The following ZFY variants were observed in gnomAD, a reference collection of about 807,000 sequenced individuals.
ZFY encodes zinc finger Y-chromosomal protein.
For synonymous variants in ZFY, 47 were observed against 55.8 expected (o/e 0.84, Z 0.71); for missense variants, 113 against 170.9 (o/e 0.66, Z 1.89).
intron 3 of ZFY, among the ~76,000 whole-genome samples, chrY:2,970,147 A>G (rs2051343702): frequency 6.1e-5 from 2 of 32,825 alleles, no homozygotes; most frequent in Non-Finnish European, 1.5e-4. Context: ...TTTGGGGCCC[A>G]TGAGATATTG....
chrY:2,937,573 T>C, intron 1 of ZFY, among the ~76,000 whole-genome samples: 1 of 32,398 alleles, frequency 3.1e-5, no homozygotes, highest in African/African-American at 1.2e-4. Flanking sequence ...CATCGAAAGT[T>C]TACCAAATAA....
intron 3 of ZFY, among the ~76,000 whole-genome samples, chrY:2,972,076 AAAG>A (rs2051349433): frequency 3.2e-5 from 1 of 31,732 alleles, no homozygotes; most frequent in Non-Finnish European, 7.6e-5. Context: ...AAAAAAAAAA[AAAG>A]AGAGATTTTA....
intron 1 of ZFY, among the ~76,000 whole-genome samples, chrY:2,938,312 A>G: frequency 4.0e-5 from 1 of 24,737 alleles, no homozygotes; most frequent in Non-Finnish European, 9.1e-5. Flanking sequence ...CCCGGCCGTC[A>G]AAACAAATTT....
chrY:2,974,231 G>T (rs2051358895), intron 3 of ZFY, among the ~76,000 whole-genome samples: 1 of 31,097 alleles, frequency 3.2e-5, no homozygotes, highest in Non-Finnish European at 7.7e-5. Context: ...ATCCAGACTG[G>T]AGTACAGTGG....
At chrY:2,942,122 C>A in intron 1 of ZFY, among the ~76,000 whole-genome samples, 1 of 30,350 alleles carries the variant, frequency 3.3e-5, no homozygotes, top group Non-Finnish European at 7.9e-5. Flanking sequence ...CTGAGCCTAA[C>A]TTTTGTATTT....
chrY:2,952,220 G>A, intron 1 of ZFY, among the ~76,000 whole-genome samples: 1 of 33,406 alleles, frequency 3.0e-5, no homozygotes, highest in Non-Finnish European at 7.4e-5. Flanking sequence ...GAGCCACCAT[G>A]CCTGGCCCAC....
At chrY:2,964,749 C>T in intron 3 of ZFY, among the ~76,000 whole-genome samples, 3 of 33,140 alleles carry the variant, frequency 9.1e-5, no homozygotes, top group Non-Finnish European at 1.5e-4. Context: ...GGAGCAGTCA[C>T]GGAAGATAAC....
At position 2,979,631 on chromosome Y, in the gene ZFY, G is replaced by A; in HGVS notation, c.2044G>A (p.Gly682Ser). Reference sequence around the variant, plus strand: ...TAAGAAACATGTGGCTGTCCACAAAGGTAAAAAAATGCACCAATGTAGACA... The same window carrying A: ...TAAGAAACATGTGGCTGTCCACAAAAGTAAAAAAATGCACCAATGTAGACA... ...ELKKHVAVHK[G>S]KKMHQCRHCD... is the part of the protein sequence containing the mutation. Residue 682 changes from glycine to serine, a missense_variant, in exon 8 of 8, where the codon GGT becomes AGT. Gly to Ser is a moderately conservative substitution (Grantham distance 56, BLOSUM62 0). Transcript: ENST00000155093. The A allele has an allele frequency of 2.5e-6, 1 of 398,971 alleles. No homozygotes were observed. The highest frequency in any genetic ancestry group is 3.5e-6 in the Non-Finnish European group (1 of 283,653).
At chrY:2,946,836 T>TA (rs2051263413) in intron 1 of ZFY, among the ~76,000 whole-genome samples, 2,909 of 22,668 alleles carry the variant, frequency 0.13, no homozygotes, top group African/African-American at 0.55. Flanking sequence ...CCATCTCTAC[T>TA]AAAAAAAAAA....
intron 7 of ZFY, 128 bp from the exon 8 acceptor site, chrY:2,978,682 G>C: frequency 8.7e-6 from 2 of 230,284 alleles, no homozygotes; most frequent in Non-Finnish European, 1.4e-5. Context: ...ACATTGAAAA[G>C]CAGTAAAAGG....
intron 1 of ZFY, among the ~76,000 whole-genome samples, chrY:2,944,789 C>G (rs1460433962): frequency 5.8e-5 from 1 of 17,179 alleles, no homozygotes; most frequent in Non-Finnish European, 1.3e-4. Flanking sequence ...CGTTCTGTTG[C>G]CCAGGTTGCA....
rs1418576327 is a variant in ZFY, at chrY:2,975,099, T to C, written c.639T>C (p.Asp213=). The change falls in exon 4 of 8, where the codon GAT becomes GAC. Residue 213 remains aspartate (D), a synonymous_variant. Coordinates refer to ENST00000155093, the MANE Select transcript of ZFY (RefSeq NM_003411.4). The part of the protein sequence containing the change: ...SCEDYLMISL[D]DAGKIEHDGS... ...ATATATTTTCTGCCTTTTCAGTGGA[T>C]GATGCTGGCAAAATAGAACATGATG... 1 of 398,691 alleles carries C rather than the reference T, an allele frequency of 2.5e-6. No homozygotes were observed. The highest frequency in any genetic ancestry group is 7.4e-5 in the Admixed American group (1 of 13,522).
At chrY:2,940,215 T>A in intron 1 of ZFY, among the ~76,000 whole-genome samples, 1 of 33,213 alleles carries the variant, frequency 3.0e-5, no homozygotes, top group African/African-American at 1.2e-4. Context: ...CTACCTTGAC[T>A]GAGAGCCCAT....
At chrY:2,978,360 C>T (rs34742138) in intron 7 of ZFY, among the ~76,000 whole-genome samples, 886 of 32,721 alleles carry the variant, frequency 0.027, no homozygotes, top group Middle Eastern at 0.2. Context: ...TATAATTTAC[C>T]GAGAAGTGGA....
intron 1 of ZFY, among the ~76,000 whole-genome samples, chrY:2,945,414 C>T (rs2051259435): frequency 6.6e-5 from 2 of 30,230 alleles, no homozygotes; most frequent in Admixed American, 6.3e-4. Flanking sequence ...GGAGGCTTAG[C>T]ACATTTGTAT....
At chrY:2,958,373 A>G in intron 2 of ZFY, among the ~76,000 whole-genome samples, 1 of 33,276 alleles carries the variant, frequency 3.0e-5, no homozygotes, top group Non-Finnish European at 7.4e-5. Flanking sequence ...GCTAGTTCCT[A>G]GGGCCATATA....
At chrY:2,972,974 G>A in intron 3 of ZFY, among the ~76,000 whole-genome samples, 1 of 32,707 alleles carries the variant, frequency 3.1e-5, no homozygotes, top group Non-Finnish European at 7.5e-5. Flanking sequence ...TTAATAAAAA[G>A]TAACTACATT....
intron 2 of ZFY, among the ~76,000 whole-genome samples, chrY:2,959,867 T>C: frequency 3.3e-5 from 1 of 30,267 alleles, no homozygotes; most frequent in South Asian, 7.4e-4. Flanking sequence ...CCTTTCCTTT[T>C]CTTTTTTTTT....
At chrY:2,968,220 A>T in intron 3 of ZFY, among the ~76,000 whole-genome samples, 1 of 33,483 alleles carries the variant, frequency 3.0e-5, no homozygotes, top group Non-Finnish European at 7.4e-5. Flanking sequence ...CATTTATACA[A>T]ATTAAGGTTA....
Sources: allele counts gnomAD v4.1 joint callset (sites outside exome capture counted in the v4.1 genomes callset), GRCh38; gene constraint gnomAD v4.1.1; transcripts MANE v1.5; gene names NCBI Gene and HGNC (gene_info 2026-07-23, HGNC 2026-07-21).